Variants in CEP76 observed in about 807,000 individuals in gnomAD.
CEP76 encodes the protein centrosomal protein 76.
CEP76 carries 55 observed loss-of-function variants against 83.3 expected under a neutral mutation model. That is an observed-to-expected ratio of 0.66 (90% CI 0.53 to 0.83). The LOEUF (loss-of-function observed/expected upper bound fraction) is 0.83. Ranked by LOEUF, CEP76 falls within the 40% of genes least tolerant of loss-of-function variation. The pLI is 0.00. For synonymous variants in CEP76, 270 were observed against 274.5 expected (o/e 0.98, Z 0.16); for missense variants, 694 against 799.5 (o/e 0.87, Z 1.59).
chr18:12,695,326 T>G lies in CEP76; in HGVS notation c.732A>C (p.Gly244=), dbSNP rs1362748928. 2 of 1,554,088 alleles carry G rather than the reference T, an allele frequency of 1.3e-6. No homozygotes were observed. Among genetic ancestry groups the G allele is most frequent in the South Asian group, 2.3e-5 (2 of 86,830 alleles). Residue 244 remains glycine, a synonymous_variant, in exon 6 of 12, where the codon GGA becomes GGC. Coordinates refer to ENST00000262127, the MANE Select transcript of CEP76 (RefSeq NM_024899.4). ...GVGTESKVSV[G]ILNIKLEMYP... ...ACATTTCAAGTTTTATATTTAAAAT[T>G]CCCACAGAAACTTTTGATTCTGTGC...
At position 12,699,203 on chromosome 18, in the gene CEP76, G is replaced by C. The variant is rs751659357; in HGVS notation, c.296C>G (p.Thr99Ser). 1 of 1,599,702 alleles carries C rather than the reference G, an allele frequency of 6.3e-7. No individual in the cohort carries two copies. The highest frequency in any genetic ancestry group is 8.6e-7 in the Non-Finnish European group (1 of 1,167,744). ...ATACCTCCGTGTTGGATCAATATTA[G>C]CTGTAAAGTGTAGCAATATATATGA... ...CFDRQSTLKK[T>S]NIDPTRRYLY... The change falls in exon 4 of 12, where the codon ACT (threonine) becomes AGT (serine). Residue 99 changes from threonine to serine, a missense_variant and splice_region_variant. Physicochemically the swap from Thr to Ser is moderately conservative, Grantham distance 58. Coordinates refer to ENST00000262127, the MANE Select transcript of CEP76 (RefSeq NM_024899.4).
intron 8 of CEP76, among the ~76,000 whole-genome samples, chr18:12,684,141 T>G (rs1243313523): frequency 6.6e-6 from 1 of 151,422 alleles, no homozygotes; most frequent in African/African-American, 2.4e-5. Context: ...TCTCCTTTTT[T>G]TGTGTTTTTA....
intron 7 of CEP76, among the ~76,000 whole-genome samples, chr18:12,688,217 A>G (rs896910078): frequency 3.0e-5 from 4 of 134,410 alleles, no homozygotes; most frequent in African/African-American, 1.2e-4. Context: ...GGCGAGAGCG[A>G]GACTCCATCT....
chr18:12,697,181 G>A (rs2039986063), intron 5 of CEP76, 42 bp downstream of exon 5: 2 of 1,265,806 alleles, frequency 1.6e-6, no homozygotes, highest in Non-Finnish European at 2.2e-6. Context: ...CAAATGAACT[G>A]TGGCTATAAA....
At chr18:12,673,810 G>A (rs1436753870) in intron 11 of CEP76, among the ~76,000 whole-genome samples, 32 of 152,240 alleles carry the variant, frequency 2.1e-4, no homozygotes, top group Admixed American at 2.1e-3. Context: ...GAATCCAGGA[G>A]GCAGAGGTTG....
At chr18:12,697,476 T>C in intron 4 of CEP76, 68 bp from the exon 5 acceptor site, 1 of 1,058,794 alleles carries the variant, frequency 9.4e-7, no homozygotes, top group South Asian at 1.8e-5. Flanking sequence ...AAAAGAATAC[T>C]TTTATTAAAC....
At chr18:12,664,848 G>T (rs547225050) in intron 12 of CEP76, among the ~76,000 whole-genome samples, 1 of 151,558 alleles carries the variant, frequency 6.6e-6, no homozygotes, top group African/African-American at 2.4e-5. Context: ...ACAGGCGCCC[G>T]TCACCATGCC....
At chr18:12,685,012 CTTT>C (rs932893246) in intron 8 of CEP76, 1 of 146,098 alleles carries the variant, frequency 6.8e-6, no homozygotes, top group South Asian at 2.2e-4. Flanking sequence ...GCCATTTTCT[CTTT>C]TTTTTTTATG....
chr18:12,662,463 A>G (rs1256008500), intron 12 of CEP76, among the ~76,000 whole-genome samples: 2 of 152,228 alleles, frequency 1.3e-5, no homozygotes, highest in Non-Finnish European at 2.9e-5. Context: ...ATGTCCATGT[A>G]CACTCACAGA....
intron 4 of CEP76, 184 bp downstream of exon 4, chr18:12,698,793 AAT>A: frequency 1.7e-6 from 1 of 580,228 alleles, no homozygotes; most frequent in Non-Finnish European, 3.1e-6. Context: ...ATCCAGGGAA[AAT>A]GAATAGCAAA....
In CEP76 at chr18:12,673,464, G is replaced by T. The variant is rs2039002572; in HGVS notation, c.1881C>A (p.Asp627Glu). Residue 627 changes from aspartate (D) to glutamate (E), a missense_variant, in exon 12 of 12, where the codon GAC (aspartate) becomes GAA (glutamate). Transcript: ENST00000262127. ...FCEEIICCRG[D>E]QVRLAVRVRV... Reference sequence around the variant, plus strand: ...GGACACGAACTGCCAGTCGCACTTGGTCTCCACGGCAACAGATTATTTCTT... The same window carrying T: ...GGACACGAACTGCCAGTCGCACTTGTTCTCCACGGCAACAGATTATTTCTT... The T allele has an allele frequency of 5.7e-6, 9 of 1,588,678 alleles. No individual in the cohort carries two copies. Among genetic ancestry groups the T allele is most frequent in the Non-Finnish European group, 7.7e-6 (9 of 1,172,514 alleles).
At chr18:12,700,924 A>G (rs2040128354) in intron 2 of CEP76, 34 bp downstream of exon 2, 7 of 1,450,410 alleles carry the variant, frequency 4.8e-6, no homozygotes, top group South Asian at 1.2e-5. Context: ...ATATACATAT[A>G]TACTCTCATT....
chr18:12,684,485 GTT>G (rs34972678), intron 8 of CEP76: 10 of 142,108 alleles, frequency 7.0e-5, no homozygotes, highest in Admixed American at 7.1e-5. Flanking sequence ...ATAGTTTTTT[GTT>G]TTTTTTTTTT....
chr18:12,700,910 T>G, intron 2 of CEP76, 48 bp downstream of exon 2: 3 of 1,432,858 alleles, frequency 2.1e-6, no homozygotes, highest in Non-Finnish European at 1.9e-6. Flanking sequence ...TGTTACGCAT[T>G]AGTATATACA....
chr18:12,669,032 CTTTTTTTTT>C (rs71174122), downstream of CEP76, among the ~76,000 whole-genome samples: 101 of 41,958 alleles, frequency 2.4e-3, 4 homozygotes, highest in Non-Finnish European at 3.7e-3. Context: ...ACCCCCCGCA[CTTTTTTTTT>C]TTTTTTTTTT....
Position 12,673,187 on chromosome 18 carries a change from A to T in CEP76, c.*178T>A. ...GATTTATACAAGTTTTTCAGCCTTA[A>T]TTTTTAAAGGAATGCATGATTTTTT... On this transcript the variant is annotated 3_prime_UTR_variant, in exon 12 of 12. Coordinates refer to ENST00000262127, the MANE Select transcript of CEP76 (RefSeq NM_024899.4). The T allele has an allele frequency of 7.8e-7, 1 of 1,287,386 alleles. No homozygotes were observed. The highest frequency in any genetic ancestry group is 9.9e-7 in the Non-Finnish European group (1 of 1,013,628). The allele number at this position is 1,287,386 out of a possible 1,614,324, so 79.7% of individuals were successfully genotyped here.
At chr18:12,690,873 G>T (rs1216835971) in intron 7 of CEP76, among the ~76,000 whole-genome samples, 1 of 152,002 alleles carries the variant, frequency 6.6e-6, no homozygotes, top group East Asian at 1.9e-4. Flanking sequence ...CTGGTCACTG[G>T]CTTAGAAGTC....
rs770177339 is a variant in CEP76 at position 12,678,444 on chromosome 18, T to TA, written c.1290-3dup. ...GGATTGGTAGGTTTATGGATGTACC[T>TA]AAAAAAATTAAATAATTTTATATAT... On this transcript the variant is annotated splice_polypyrimidine_tract_variant and splice_region_variant and intron_variant, in intron 9 of 11. Coordinates refer to ENST00000262127, the MANE Select transcript of CEP76 (RefSeq NM_024899.4). 6 of 1,552,284 alleles carry TA rather than the reference T, an allele frequency of 3.9e-6. No homozygotes were observed. The East Asian group carries it at 6.8e-5, about 18-fold the overall frequency.
chr18:12,696,105 T>G (rs2039947266), intron 5 of CEP76, among the ~76,000 whole-genome samples: 1 of 152,222 alleles, frequency 6.6e-6, no homozygotes, highest in African/African-American at 2.4e-5. Context: ...GGCCTATTTT[T>G]GAAGACAAAT....
Sources: gnomAD v4.1 joint callset for allele counts (sites outside exome capture counted in the v4.1 genomes callset) on GRCh38, gnomAD v4.1.1 for gene constraint, MANE v1.5 for transcripts, NCBI Gene and HGNC (gene_info 2026-07-23, HGNC 2026-07-21) for gene names.